Variants in MME observed in about 807,000 individuals in gnomAD.
MME encodes neprilysin.
Under a neutral mutation model 113.2 loss-of-function variants are expected in MME, and 98 were observed. The ratio of observed to expected loss-of-function variants is 0.87; its 90% CI spans 0.74 to 1.02. The LOEUF (loss-of-function observed/expected upper bound fraction) is 1.02. Ranked by LOEUF, MME falls within the 50% of genes least tolerant of loss-of-function variation. The pLI is 0.00. For synonymous variants in MME, 292 were observed against 300.6 expected (o/e 0.97, Z 0.30); for missense variants, 836 against 896.0 (o/e 0.93, Z 0.86).
chr3:155,081,930 G>T (rs1715185973), intron 1 of MME: 1 of 152,182 alleles, frequency 6.6e-6, no homozygotes, highest in Non-Finnish European at 1.5e-5. Context: ...GGGGGAGATG[G>T]AGGAAGACTT....
intron 3 of MME, chr3:155,085,571 GC>G (rs1559907609): frequency 6.6e-6 from 1 of 152,194 alleles, no homozygotes; most frequent in East Asian, 1.9e-4. Flanking sequence ...TCGCTCTGTC[GC>G]CCAAGCTGGA....
At position 155,142,025 on chromosome 3, in the gene MME, T is replaced by C. The variant is rs1213278785; in HGVS notation, c.992T>C (p.Met331Thr). 6.2e-7 allele frequency: 1 copy of C among 1,613,696 alleles called. No individual in the cohort carries two copies. Among genetic ancestry groups the C allele is most frequent in the Non-Finnish European group, 8.5e-7 (1 of 1,179,714 alleles). Residue 331 changes from methionine to threonine, a missense_variant, in exon 11 of 23, where the codon ATG becomes ACG. Transcript: ENST00000360490. The stretch of plus-strand genomic sequence containing the variant: ...TGGTTGAATTTCACAAATGAAATCA[T>C]GTCAACTGTGAATATTAGTATTACA... ...FSWLNFTNEI[M>T]STVNISITNE...
At chr3:155,079,294 C>A (rs1424762251), upstream of MME, among the ~76,000 whole-genome samples, 5 of 151,778 alleles carry the variant, frequency 3.3e-5, no homozygotes, top group African/African-American at 1.2e-4. Flanking sequence ...GGAAAGAGAG[C>A]GAAAGAAGAG....
chr3:155,077,898 T>G (rs1714813112), upstream of MME, among the ~76,000 whole-genome samples: 1 of 152,040 alleles, frequency 6.6e-6, no homozygotes, highest in South Asian at 2.1e-4. Context: ...GTAAATCCTT[T>G]TTTTTCCTTT....
In MME at chr3:155,057,451, G is replaced by A. The variant is rs867528057; in HGVS notation, c.-10-26707G>A. 5.9e-5 allele frequency among the ~76,000 whole-genome samples: 9 copies of A among 152,040 alleles called. No homozygotes were observed. The Middle Eastern group carries it at 0.017, about 289-fold the overall frequency. ...TCATTAAAAAGTCAGGAAACAACAG[G>A]TGCTGGAGAGGATGTGGAGAAATAG... On this transcript the variant is annotated intron_variant, in intron 1 of 22. Coordinates refer to the MME transcript ENST00000492661.
intron 1 of MME, among the ~76,000 whole-genome samples, chr3:155,063,805 T>C (rs376301725): frequency 1.1e-4 from 16 of 149,238 alleles, no homozygotes; most frequent in East Asian, 7.8e-4. Flanking sequence ...GAAGAAAGGG[T>C]TTATATGGTC....
chr3:155,173,425 A>C (rs953778621), intron 22 of MME, among the ~76,000 whole-genome samples: 5 of 152,152 alleles, frequency 3.3e-5, no homozygotes, highest in African/African-American at 1.2e-4. Context: ...AAAGCTCTAC[A>C]TAAAATGAAT....
intron 3 of MME, chr3:155,090,067 C>G: frequency 4.0e-6 from 1 of 247,616 alleles, no homozygotes; most frequent in Non-Finnish European, 8.6e-6. Context: ...AAGACGTGAT[C>G]AATACAGTTT....
chr3:155,157,085 A>G (rs544441198), intron 16 of MME, among the ~76,000 whole-genome samples: 133 of 152,214 alleles, frequency 8.7e-4, no homozygotes, highest in African/African-American at 3.0e-3. Flanking sequence ...TTTCAGTTCT[A>G]TTCCCCACCC....
At chr3:155,066,958 C>T (rs77709937) in intron 1 of MME, among the ~76,000 whole-genome samples, 2,078 of 152,202 alleles carry the variant, frequency 0.014, 49 homozygotes, top group South Asian at 0.052. Context: ...CTGTATACCC[C>T]TACAACCATC....
At chr3:155,057,605 T>G (rs961547271) in intron 1 of MME, among the ~76,000 whole-genome samples, 3 of 152,108 alleles carry the variant, frequency 2.0e-5, no homozygotes, top group Admixed American at 2.0e-4. Context: ...CAGCCTCTGG[T>G]GCATTGGTAG....
intron 3 of MME, chr3:155,112,402 G>T (rs1321202847): frequency 6.6e-6 from 1 of 152,188 alleles, no homozygotes; most frequent in African/African-American, 2.4e-5. Context: ...GTGTCTCACA[G>T]AAACTGAATA....
chr3:155,113,347 T>A (rs1426235510), intron 3 of MME, among the ~76,000 whole-genome samples: 1 of 152,182 alleles, frequency 6.6e-6, no homozygotes, highest in African/African-American at 2.4e-5. Flanking sequence ...TGGCGCTGTC[T>A]TGGTTCACTG....
intron 20 of MME, among the ~76,000 whole-genome samples, chr3:155,171,326 A>G (rs79144821): frequency 0.058 from 8,848 of 152,264 alleles, 337 homozygotes; most frequent in Non-Finnish European, 0.094. Context: ...GTAGAGGTTC[A>G]ATAAGTCTAT....
intron 16 of MME, among the ~76,000 whole-genome samples, chr3:155,156,156 C>G (rs1296517317): frequency 6.6e-6 from 1 of 152,112 alleles, no homozygotes; most frequent in Admixed American, 6.6e-5. Context: ...TTGGGAAGAG[C>G]CTGTGCTGTG....
At chr3:155,117,435 T>C (rs3796268) in intron 7 of MME, among the ~76,000 whole-genome samples, 46,738 of 152,100 alleles carry the variant, frequency 0.31, 7,943 homozygotes, top group East Asian at 0.43. Context: ...CTGTACTTTT[T>C]TCTCAACTAA....
intron 3 of MME, among the ~76,000 whole-genome samples, chr3:155,106,045 T>C (rs1425093046): frequency 6.6e-6 from 1 of 152,220 alleles, no homozygotes; most frequent in Non-Finnish European, 1.5e-5. Flanking sequence ...ATTAGTCACA[T>C]GTATATATGA....
At chr3:155,089,945 G>A (rs994685701) in intron 3 of MME, 25 of 378,510 alleles carry the variant, frequency 6.6e-5, no homozygotes, top group Middle Eastern at 5.3e-4. Context: ...GGAAGACAGC[G>A]CAAGACTCTA....
chr3:155,149,134 A>G (rs901941700), intron 16 of MME, among the ~76,000 whole-genome samples: 6 of 152,192 alleles, frequency 3.9e-5, no homozygotes, highest in Admixed American at 1.3e-4. Context: ...AGATACTAGG[A>G]ACCATTCTTA....
Sources: allele counts gnomAD v4.1 joint callset (sites outside exome capture counted in the v4.1 genomes callset), GRCh38; gene constraint gnomAD v4.1.1; transcripts MANE v1.5; gene names NCBI Gene and HGNC (gene_info 2026-07-23, HGNC 2026-07-21).